The following SUMF1 variants were observed in gnomAD, a reference collection of about 807,000 sequenced individuals.
SUMF1 encodes sulfatase modifying factor 1, also known as formylglycine-generating enzyme.
A neutral mutation model predicts 47.6 loss-of-function variants in SUMF1; 48 were observed. That is an observed-to-expected ratio of 1.01 (90% confidence interval 0.80 to 1.28). The LOEUF is 1.28. Ranked by LOEUF, SUMF1 falls within the 50% of genes most tolerant of loss-of-function variation. The pLI, the probability that SUMF1 is intolerant of heterozygous loss-of-function variation, is 0.00. For missense variants in SUMF1, 571 were observed against 485.4 expected (o/e 1.18, Z -1.66); for synonymous variants, 230 against 192.1 (o/e 1.20, Z -1.63).
intron 8 of SUMF1, among the ~76,000 whole-genome samples, chr3:4,139,613 G>A (rs1483145804): frequency 6.6e-6 from 1 of 150,838 alleles, no homozygotes; most frequent in Non-Finnish European, 1.5e-5. Context: ...CATTTCTTAA[G>A]GGGAGAGCCA....
intron 1 of SUMF1, among the ~76,000 whole-genome samples, chr3:4,456,139 T>C (rs533976482): frequency 5.2e-4 from 79 of 152,304 alleles, no homozygotes; most frequent in African/African-American, 1.6e-3. Context: ...CACCTCAATA[T>C]ATGCAAAGGC....
At chr3:4,247,506 G>T (rs1696696840) in intron 8 of SUMF1, among the ~76,000 whole-genome samples, 1 of 152,060 alleles carries the variant, frequency 6.6e-6, no homozygotes, top group Non-Finnish European at 1.5e-5. Context: ...CAGGAAATCT[G>T]ATTATAACCT....
chr3:4,186,493 G>C (rs1695203419), intron 8 of SUMF1, among the ~76,000 whole-genome samples: 1 of 152,018 alleles, frequency 6.6e-6, no homozygotes, highest in African/African-American at 2.4e-5. Context: ...AATAATTTAA[G>C]TAATAGGGGG....
At chr3:4,057,867 G>A (rs1039233577) in intron 9 of SUMF1, among the ~76,000 whole-genome samples, 2 of 152,048 alleles carry the variant, frequency 1.3e-5, no homozygotes, top group African/African-American at 4.8e-5. Context: ...AAAAATAAAT[G>A]GTAGAGTTGG....
chr3:4,174,792 C>T lies in SUMF1; in HGVS notation c.1015-106047G>A, dbSNP rs531300760. Among the ~76,000 whole-genome samples the T allele has an allele frequency of 2.9e-3, 440 of 152,216 alleles. 1 individual carries two copies. Among genetic ancestry groups the T allele is most frequent in the African/African-American group, 0.01 (422 of 41,540 alleles). ...TTTCTCTTTCCTAGCCAAGGGAAGC[C>T]GTGACAGACTACCTGGAAAAAAGGG... On this transcript the variant is annotated intron_variant and NMD_transcript_variant, in intron 8 of 12. Coordinates refer to the SUMF1 transcript ENST00000448413.
chr3:4,422,914 C>T (rs191049459), intron 3 of SUMF1, among the ~76,000 whole-genome samples: 13 of 151,776 alleles, frequency 8.6e-5, no homozygotes, highest in Non-Finnish European at 1.3e-4. Flanking sequence ...AAGCAGTATA[C>T]ACTGAACCCA....
At chr3:4,051,608 A>C (rs1428735926) in intron 9 of SUMF1, among the ~76,000 whole-genome samples, 1 of 152,158 alleles carries the variant, frequency 6.6e-6, no homozygotes, top group Non-Finnish European at 1.5e-5. Flanking sequence ...TGCCTAAGAG[A>C]GAGAAGGCTC....
chr3:4,380,909 G>GT (rs1700483466), intron 7 of SUMF1, among the ~76,000 whole-genome samples: 1 of 152,192 alleles, frequency 6.6e-6, no homozygotes, highest in African/African-American at 2.4e-5. Context: ...GGGCATGTAA[G>GT]TCTTTAAGGA....
chr3:4,042,699 C>G (rs540614865), intron 9 of SUMF1, among the ~76,000 whole-genome samples: 2 of 152,176 alleles, frequency 1.3e-5, no homozygotes, highest in African/African-American at 2.4e-5. Flanking sequence ...TTCTCATGCA[C>G]TATTCCCAAA....
At chr3:4,141,358 C>T (rs988143495) in intron 8 of SUMF1, among the ~76,000 whole-genome samples, 5 of 152,092 alleles carry the variant, frequency 3.3e-5, no homozygotes, top group African/African-American at 1.2e-4. Context: ...ATCCATCTCA[C>T]TTAGAAGCCT....
chr3:4,053,321 T>C lies in SUMF1; in HGVS notation c.1191+15248A>G, dbSNP rs117527101. On this transcript the variant is annotated intron_variant and NMD_transcript_variant, in intron 9 of 12. Coordinates refer to the SUMF1 transcript ENST00000448413. ...TGGCACCCCAAAACAATTACAATAG[T>C]AACATCAAAGATCAATGATCACAGA... Among the ~76,000 whole-genome samples the C allele has an allele frequency of 3.1e-3, 472 of 152,180 alleles. 14 individuals carry two copies. The East Asian group carries it at 0.083, about 27-fold the overall frequency.
chr3:4,214,647 A>T (rs1695877003), intron 8 of SUMF1, among the ~76,000 whole-genome samples: 1 of 152,164 alleles, frequency 6.6e-6, no homozygotes, highest in Non-Finnish European at 1.5e-5. Context: ...AACTAAATAG[A>T]TAGACCACTA....
chr3:4,145,507 G>A lies in SUMF1; in HGVS notation c.1015-76762C>T, dbSNP rs1398568729. 3.9e-5 allele frequency among the ~76,000 whole-genome samples: 6 copies of A among 152,046 alleles called. No homozygotes were observed. In the East Asian group the frequency reaches 1.2e-3, roughly 29 times the overall value. Reference sequence around the variant, plus strand: ...CTCTTGTTCTGGCCAAACCAAATCTGCTTTCTTCTCCTACATGACCTCCCT... The same window carrying A: ...CTCTTGTTCTGGCCAAACCAAATCTACTTTCTTCTCCTACATGACCTCCCT... On this transcript the variant is annotated intron_variant and NMD_transcript_variant, in intron 8 of 12. Transcript: ENST00000448413.
intron 8 of SUMF1, among the ~76,000 whole-genome samples, chr3:4,166,881 G>T (rs181521017): frequency 1.3e-5 from 2 of 152,094 alleles, no homozygotes; most frequent in Admixed American, 6.5e-5. Context: ...CTGAAGAGTC[G>T]GGGGTGGTTA....
intron 8 of SUMF1, among the ~76,000 whole-genome samples, chr3:4,134,924 C>A (rs550549139): frequency 4.6e-5 from 7 of 151,998 alleles, no homozygotes; most frequent in Admixed American, 1.3e-4. Context: ...TAAATCAGGA[C>A]GAAGTTGAAT....
In SUMF1 at chr3:4,209,888, A is replaced by T. The variant is rs142755604; in HGVS notation, c.1015-141143T>A. Among the ~76,000 whole-genome samples, 58 of 152,240 alleles carry T rather than the reference A, an allele frequency of 3.8e-4. 1 individual carries two copies. In the East Asian group the frequency reaches 0.011, roughly 29 times the overall value. ...CCAAAATAAATATTCATGGATTTTA[A>T]AATTTAGAAAAAAAAATTTTTTTTG... On this transcript the variant is annotated intron_variant and NMD_transcript_variant, in intron 8 of 12. Transcript: ENST00000448413.
chr3:4,067,160 G>A (rs1045597945), intron 9 of SUMF1, among the ~76,000 whole-genome samples: 1 of 152,124 alleles, frequency 6.6e-6, no homozygotes. Context: ...GACTCTTTTA[G>A]AAGTAGTCTT....
intron 1 of SUMF1, among the ~76,000 whole-genome samples, chr3:4,462,561 G>C (rs556739954): frequency 6.6e-6 from 1 of 152,018 alleles, no homozygotes; most frequent in African/African-American, 2.4e-5. Context: ...ACTTGCTACC[G>C]TAAGATTTTT....
chr3:4,181,292 A>G (rs1485269), intron 8 of SUMF1, among the ~76,000 whole-genome samples: 51,947 of 151,938 alleles, frequency 0.34, 9,034 homozygotes, highest in East Asian at 0.4. Context: ...CCTCATTCCT[A>G]GTTTGTACAA....
Sources: gnomAD v4.1 joint callset for allele counts (sites outside exome capture counted in the v4.1 genomes callset) on GRCh38, gnomAD v4.1.1 for gene constraint, MANE v1.5 for transcripts, NCBI Gene and HGNC (gene_info 2026-07-23, HGNC 2026-07-21) for gene names.